Variants in STK3 observed in about 807,000 individuals in gnomAD.
The protein encoded by STK3 is serine/threonine kinase 3.
STK3 carries 41 observed loss-of-function variants against 58.0 expected under a neutral mutation model. The observed-to-expected ratio is 0.71, with a 90% CI of 0.55 to 0.92. The LOEUF (loss-of-function observed/expected upper bound fraction) is 0.92. Ranked by LOEUF, STK3 falls within the 40% of genes least tolerant of loss-of-function variation. The pLI is 0.00. For missense variants in STK3, 479 were observed against 602.7 expected (o/e 0.79, Z 2.15); for synonymous variants, 170 against 191.0 (o/e 0.89, Z 0.91).
At chr8:98,757,024 C>T (rs566416471) in intron 3 of STK3, among the ~76,000 whole-genome samples, 30 of 149,406 alleles carry the variant, frequency 2.0e-4, no homozygotes, top group African/African-American at 7.4e-4. Flanking sequence ...TTCTTCCCCC[C>T]TCTTTCTCTG....
At chr8:98,443,873 C>A (rs1387126029) in intron 1 of STK3, among the ~76,000 whole-genome samples, 1 of 152,160 alleles carries the variant, frequency 6.6e-6, no homozygotes, top group Non-Finnish European at 1.5e-5. Flanking sequence ...TGAAGACATG[C>A]ATCATAAGAA....
chr8:98,834,790 C>A (rs959442542), intron 3 of STK3, among the ~76,000 whole-genome samples: 32 of 152,192 alleles, frequency 2.1e-4, no homozygotes, highest in African/African-American at 7.5e-4. Context: ...TAAAGAGACA[C>A]CGTAATTCAT....
intron 4 of STK3, among the ~76,000 whole-genome samples, chr8:98,721,367 G>C (rs889661727): frequency 2.6e-5 from 4 of 151,962 alleles, no homozygotes; most frequent in African/African-American, 9.7e-5. Flanking sequence ...CATAACCTTA[G>C]AAAACTCAGA....
rs370714804 is a variant in STK3, at chr8:98,853,050, T to C, written c.110+30597A>G. Reference sequence around the variant, plus strand: ...GACATATAAAATGTCAATCTAATTGTGCATTGTTTGGTATAGTCATGTGTA... The same window carrying C: ...GACATATAAAATGTCAATCTAATTGCGCATTGTTTGGTATAGTCATGTGTA... On this transcript the variant is annotated intron_variant, in intron 3 of 12. Coordinates refer to the STK3 transcript ENST00000523601. Among the ~76,000 whole-genome samples, 9 of 152,078 alleles carry C rather than the reference T, an allele frequency of 5.9e-5. No individual in the cohort carries two copies. The East Asian group carries it at 1.7e-3, about 29-fold the overall frequency.
intron 4 of STK3, among the ~76,000 whole-genome samples, chr8:98,726,674 C>T (rs1167114994): frequency 6.6e-6 from 1 of 152,132 alleles, no homozygotes; most frequent in African/African-American, 2.4e-5. Flanking sequence ...CTTGTAAGAA[C>T]GGGCCAGGGA....
intron 4 of STK3, among the ~76,000 whole-genome samples, chr8:98,727,954 A>G (rs577900443): frequency 6.6e-6 from 1 of 152,346 alleles, no homozygotes; most frequent in South Asian, 2.1e-4. Context: ...GTGAATATGT[A>G]GCAATTTCTG....
chr8:98,626,847 A>T (rs527947150), intron 6 of STK3, among the ~76,000 whole-genome samples: 1 of 152,268 alleles, frequency 6.6e-6, no homozygotes, highest in South Asian at 2.1e-4. Context: ...CAGCTTCCCA[A>T]ACTAGAAACT....
chr8:98,740,847 C>T (rs1053488491), intron 4 of STK3, among the ~76,000 whole-genome samples: 2 of 152,004 alleles, frequency 1.3e-5, no homozygotes, highest in African/African-American at 4.8e-5. Context: ...ATTCAGGAAA[C>T]CCATCTCACA....
intron 8 of STK3, among the ~76,000 whole-genome samples, chr8:98,571,518 G>A (rs1437266622): frequency 6.6e-6 from 1 of 152,168 alleles, no homozygotes; most frequent in African/African-American, 2.4e-5. Flanking sequence ...AATTGCTTTA[G>A]TGAAGCATGT....
At chr8:98,363,169 T>C in the STK3 span, among the ~76,000 whole-genome samples, 6 of 152,292 alleles carry the variant, frequency 3.9e-5, no homozygotes, top group South Asian at 1.2e-3. Flanking sequence ...GTCATGTAGC[T>C]AAAATGTCCA....
chr8:98,653,868 G>T (rs1032079420), intron 6 of STK3, among the ~76,000 whole-genome samples: 3 of 152,216 alleles, frequency 2.0e-5, no homozygotes, highest in Admixed American at 1.3e-4. Context: ...AAAACTCCAG[G>T]ACCAGAAGGA....
chr8:98,757,392 G>A (rs967348785), intron 3 of STK3, among the ~76,000 whole-genome samples: 2 of 150,360 alleles, frequency 1.3e-5, no homozygotes, highest in Admixed American at 6.6e-5. Context: ...TCAGGAGTTC[G>A]AGACCAGCCT....
chr8:98,373,249 G>A (rs766851398), intron 2 of STK3, among the ~76,000 whole-genome samples: 1 of 152,124 alleles, frequency 6.6e-6, no homozygotes, highest in Non-Finnish European at 1.5e-5. Context: ...ATCTCCTTCT[G>A]TGTCCGAGCC....
At chr8:98,724,673 CAGTAGT>C (rs1827674873) in intron 4 of STK3, among the ~76,000 whole-genome samples, 1 of 152,046 alleles carries the variant, frequency 6.6e-6, no homozygotes, top group African/African-American at 2.4e-5. Context: ...GTAAAAATAA[CAGTAGT>C]AGTAGTAGGA....
intron 7 of STK3, among the ~76,000 whole-genome samples, chr8:98,585,314 G>A (rs1586930514): frequency 6.6e-6 from 1 of 152,174 alleles, no homozygotes. Flanking sequence ...TTCTACATAT[G>A]ACTAGCCAAT....
intron 3 of STK3, among the ~76,000 whole-genome samples, chr8:98,414,835 G>A (rs952158724): frequency 6.6e-6 from 1 of 152,198 alleles, no homozygotes; most frequent in South Asian, 2.1e-4. Context: ...CTGGCTTGAT[G>A]TAAGTGAGCT....
rs1296191439 is a variant in STK3 at position 98,647,060 on chromosome 8, C to G, written c.685-50891G>C. Among the ~76,000 whole-genome samples the G allele has an allele frequency of 2.6e-5, 4 of 152,294 alleles. No homozygotes were observed. The East Asian group carries it at 7.7e-4, about 29-fold the overall frequency. ...GATCTCACCTACCTCCATCACCTCCCTTACTTCCTGTCTTTCTCTGACATT... is the reference window on the plus strand; with the variant it reads ...GATCTCACCTACCTCCATCACCTCCGTTACTTCCTGTCTTTCTCTGACATT... On this transcript the variant is annotated intron_variant, in intron 6 of 10. Transcript: ENST00000419617.
intron 1 of STK3, chr8:98,904,813 T>C (rs1838825314): frequency 1.5e-6 from 1 of 660,376 alleles, no homozygotes; most frequent in Non-Finnish European, 2.9e-6. Context: ...GTAGCTGAAG[T>C]GGCAGCAGCA....
At chr8:98,711,912 C>T (rs1826488009) in intron 4 of STK3, among the ~76,000 whole-genome samples, 1 of 152,198 alleles carries the variant, frequency 6.6e-6, no homozygotes, top group African/African-American at 2.4e-5. Flanking sequence ...CAAAGGGAAG[C>T]CCATCAGACT....
Sources: allele counts gnomAD v4.1 joint callset (sites outside exome capture counted in the v4.1 genomes callset), GRCh38; gene constraint gnomAD v4.1.1; transcripts MANE v1.5; gene names NCBI Gene and HGNC (gene_info 2026-07-23, HGNC 2026-07-21).